The following SLC13A1 variants were observed in gnomAD, a reference collection of about 807,000 sequenced individuals.
The protein encoded by SLC13A1 is solute carrier family 13 member 1.
In SLC13A1, 65 loss-of-function variants were observed where a neutral mutation model predicts 70.0. The observed-to-expected ratio is 0.93, with a 90% confidence interval of 0.76 to 1.14. SLC13A1 has a LOEUF of 1.14. SLC13A1 is among the 50% of genes most tolerant of loss of function. The pLI is 0.00. For synonymous variants in SLC13A1, 275 were observed against 250.5 expected, an observed-to-expected ratio of 1.10 and a Z score of -0.92; for missense variants, 726 against 717.8, an observed-to-expected ratio of 1.01 and a Z score of -0.13.
chr7:123,169,129 C>T lies in SLC13A1; in HGVS notation c.553+19G>A. The T allele has an allele frequency of 3.7e-6, 6 of 1,611,154 alleles. No individual in the cohort carries two copies. Among genetic ancestry groups the T allele is most frequent in the Non-Finnish European group, 5.1e-6 (6 of 1,177,718 alleles). On this transcript the variant is annotated intron_variant, in intron 4 of 14. Transcript: ENST00000194130. ...CTCTAATGACTAGACCCCAGATTGG[C>T]CATATCAACATGTGATACCATCAAT... is the stretch of plus-strand genomic sequence containing the variant.
Position 123,116,207 on chromosome 7 carries a change from C to G in SLC13A1, c.1651-552G>C, listed in dbSNP as rs367990212. On this transcript the variant is annotated intron_variant, in intron 14 of 14. Transcript: ENST00000194130. ...TGTCTATTATCTTTCTTAGCATTCT[C>G]ATGGTTTTAGCTCTTATATCATTAT... Among the ~76,000 whole-genome samples, 7 of 152,284 alleles carry G rather than the reference C, an allele frequency of 4.6e-5. No individual in the cohort carries two copies. In the East Asian group the frequency reaches 1.3e-3, roughly 29 times the overall value.
intron 1 of SLC13A1, among the ~76,000 whole-genome samples, chr7:123,192,355 C>T (rs1302112498): frequency 6.6e-6 from 1 of 152,134 alleles, no homozygotes; most frequent in African/African-American, 2.4e-5. Context: ...CTTTTTCCTC[C>T]TTACAAAGTT....
chr7:123,174,495 C>T (rs1795383231), intron 2 of SLC13A1, among the ~76,000 whole-genome samples: 1 of 152,090 alleles, frequency 6.6e-6, no homozygotes, highest in African/African-American at 2.4e-5. Context: ...CTAGGTCCTT[C>T]ATATCTTTAA....
chr7:123,137,253 C>T (rs1358590420), intron 7 of SLC13A1, among the ~76,000 whole-genome samples: 4 of 152,096 alleles, frequency 2.6e-5, no homozygotes, highest in Non-Finnish European at 5.9e-5. Context: ...AAATTTCTGC[C>T]TCCTGGTGTA....
At chr7:123,128,800 A>T in intron 10 of SLC13A1, 45 bp downstream of exon 10, 1 of 1,193,144 alleles carries the variant, frequency 8.4e-7, no homozygotes, top group Admixed American at 1.7e-5. Context: ...AGAGAAGCAG[A>T]GTATAAAACA....
chr7:123,124,895 C>G (rs921511112), intron 11 of SLC13A1, among the ~76,000 whole-genome samples: 3 of 152,124 alleles, frequency 2.0e-5, no homozygotes, highest in Non-Finnish European at 4.4e-5. Flanking sequence ...AACTCCTGGG[C>G]TCAAGTGATC....
In SLC13A1 at chr7:123,192,945, G is replaced by A. The variant is rs189920760; in HGVS notation, c.99+6903C>T. On this transcript the variant is annotated intron_variant, in intron 1 of 14. Transcript: ENST00000194130. ...TTTAAGTTTTTAGCCAAAATGGATA[G>A]TAGAGAAAAGCAATTGATGGCCCAC... Among the ~76,000 whole-genome samples, 3 of 151,958 alleles carry A rather than the reference G, an allele frequency of 2.0e-5. No individual in the cohort carries two copies. The East Asian group carries it at 5.8e-4, about 29-fold the overall frequency.
chr7:123,154,767 C>T (rs1794660256), intron 6 of SLC13A1, among the ~76,000 whole-genome samples: 1 of 152,112 alleles, frequency 6.6e-6, no homozygotes, highest in Non-Finnish European at 1.5e-5. Context: ...ACCTAATTCA[C>T]ATCAATATTC....
intron 6 of SLC13A1, among the ~76,000 whole-genome samples, chr7:123,153,285 T>C (rs972312821): frequency 6.6e-6 from 1 of 152,104 alleles, no homozygotes; most frequent in Non-Finnish European, 1.5e-5. Flanking sequence ...CATGAGCTGA[T>C]GTTTATGCAA....
rs1375734604 is a variant in SLC13A1 at position 123,168,503 on chromosome 7, C to T, written c.611+1G>A. On this transcript the variant is annotated splice_donor_variant, in intron 5 of 14. Transcript: ENST00000194130. LOFTEE classifies it high-confidence loss of function. The stretch of plus-strand genomic sequence containing the variant: ...CCAATCAAAATGTCAGTATTCCTTA[C>T]CCTGGAACTGGTTTTGTTTTCTCTT... The T allele has an allele frequency of 3.7e-6, 6 of 1,609,554 alleles. No homozygotes were observed. Among genetic ancestry groups the T allele is most frequent in the African/African-American group, 1.3e-5 (1 of 74,744 alleles).
At position 123,186,936 on chromosome 7, in the gene SLC13A1, T is replaced by A. The variant is rs901767665; in HGVS notation, c.100-5835A>T. Among the ~76,000 whole-genome samples the A allele has an allele frequency of 9.4e-4, 143 of 151,338 alleles. 2 individuals carry two copies. The highest frequency in any genetic ancestry group is 3.0e-3 in the African/African-American group (122 of 40,952). Reference sequence around the variant, plus strand: ...ACTGACCTTACAATTTTTTTTTTTTTAAATCATGATTCCTTCTCAAAATAA... The same window carrying A: ...ACTGACCTTACAATTTTTTTTTTTTAAAATCATGATTCCTTCTCAAAATAA... On this transcript the variant is annotated intron_variant, in intron 1 of 14. Coordinates refer to ENST00000194130, the MANE Select transcript of SLC13A1 (RefSeq NM_022444.4).
chr7:123,134,242 G>T (rs181512988), intron 8 of SLC13A1, among the ~76,000 whole-genome samples, 168 bp downstream of exon 8: 280 of 152,180 alleles, frequency 1.8e-3, no homozygotes, highest in African/African-American at 6.2e-3. Flanking sequence ...ATTTAAATGA[G>T]ATTCAACCTT....
rs372727857 is a variant in SLC13A1, at chr7:123,171,926, T to C, written c.229-22A>G. 1.6e-5 allele frequency: 25 copies of C among 1,605,026 alleles called. No individual in the cohort carries two copies. The African/African-American group carries it at 2.8e-4, about 18-fold the overall frequency. ...CCACCTGAAATAACAATTAAACCCGTGATTATTTACTTTGGTGGGGAAAAA... is the reference window on the plus strand; with the variant it reads ...CCACCTGAAATAACAATTAAACCCGCGATTATTTACTTTGGTGGGGAAAAA... On this transcript the variant is annotated intron_variant, in intron 2 of 14. Transcript: ENST00000194130.
rs1259929893 is a variant in SLC13A1, at chr7:123,144,431, T to TG, written c.812+2727dup. Among the ~76,000 whole-genome samples, 6 of 152,204 alleles carry TG rather than the reference T, an allele frequency of 3.9e-5. No individual in the cohort carries two copies. The South Asian group carries it at 1.0e-3, about 26-fold the overall frequency. On this transcript the variant is annotated intron_variant, in intron 7 of 14. Coordinates refer to ENST00000194130, the MANE Select transcript of SLC13A1 (RefSeq NM_022444.4). ...ACTTTTAATTTTATCAAAAATCCTG[T>TG]GAAAAAAGCATTAAATTTTTATTTT...
chr7:123,149,840 G>A (rs899559825), intron 6 of SLC13A1, among the ~76,000 whole-genome samples: 2 of 151,980 alleles, frequency 1.3e-5, no homozygotes, highest in African/African-American at 4.8e-5. Flanking sequence ...CCCAGTTATG[G>A]TCCTCTCCTT....
At chr7:123,192,266 C>G (rs1796020354) in intron 1 of SLC13A1, among the ~76,000 whole-genome samples, 1 of 152,140 alleles carries the variant, frequency 6.6e-6, no homozygotes, top group Non-Finnish European at 1.5e-5. Flanking sequence ...GTCTTAACCA[C>G]CTCAAGTGCA....
At chr7:123,164,948 A>G (rs936452025) in intron 6 of SLC13A1, among the ~76,000 whole-genome samples, 5 of 151,966 alleles carry the variant, frequency 3.3e-5, no homozygotes, top group African/African-American at 1.2e-4. Flanking sequence ...CAAACCCCAC[A>G]GGATTTATTT....
In SLC13A1 at chr7:123,165,693, T is replaced by C. The variant is rs10280946; in HGVS notation, c.660+2681A>G. Among the ~76,000 whole-genome samples the C allele has an allele frequency of 3.7e-3, 569 of 152,276 alleles. 3 individuals are homozygous for C. Among genetic ancestry groups the C allele is most frequent in the African/African-American group, 0.013 (537 of 41,550 alleles). On this transcript the variant is annotated intron_variant, in intron 6 of 14. Coordinates refer to ENST00000194130, the MANE Select transcript of SLC13A1 (RefSeq NM_022444.4). ...TTTGCATTGGATGAAGAGATATTTATAACCTGGACAAACCCATACAATAAT... is the reference window on the plus strand; with the variant it reads ...TTTGCATTGGATGAAGAGATATTTACAACCTGGACAAACCCATACAATAAT...
At chr7:123,177,410 AT>A (rs1318969302) in intron 2 of SLC13A1, among the ~76,000 whole-genome samples, 1 of 151,944 alleles carries the variant, frequency 6.6e-6, no homozygotes, top group Non-Finnish European at 1.5e-5. Context: ...AGCAGCCCAA[AT>A]TATCCTTTTT....
Sources: gnomAD v4.1 joint callset for allele counts (sites outside exome capture counted in the v4.1 genomes callset) on GRCh38, gnomAD v4.1.1 for gene constraint, MANE v1.5 for transcripts, NCBI Gene and HGNC (gene_info 2026-07-23, HGNC 2026-07-21) for gene names.